AGMAT: variants seen among roughly 807,000 people sequenced by gnomAD.
The protein encoded by AGMAT is guanidino acid hydrolase, mitochondrial.
Under a neutral mutation model 29.3 loss-of-function variants are expected in AGMAT, and 37 were observed. The observed-to-expected ratio is 1.26, with a 90% CI of 0.97 to 1.66. The LOEUF is 1.66. Ranked by LOEUF, AGMAT falls within the 40% of genes most tolerant of loss-of-function variation. AGMAT has a pLI of 0.00. For synonymous variants in AGMAT, 199 were observed against 200.8 expected (o/e 0.99, Z 0.08); for missense variants, 498 against 497.8 (o/e 1.00, Z 0.00).
At chr1:15,581,621 TC>T (rs1197272964) in intron 2 of AGMAT, among the ~76,000 whole-genome samples, 4 of 113,704 alleles carry the variant, frequency 3.5e-5, no homozygotes, top group African/African-American at 1.2e-4. Context: ...ACGCCTGTAA[TC>T]CCAGCATTTT....
At chr1:15,579,953 G>T in intron 3 of AGMAT, 141 bp downstream of exon 3, 1 of 781,866 alleles carries the variant, frequency 1.3e-6, no homozygotes, top group Non-Finnish European at 2.2e-6. Context: ...GACACCTGGA[G>T]CTCAACCTTA....
chr1:15,582,482 C>A (rs1639129268), intron 2 of AGMAT, among the ~76,000 whole-genome samples: 1 of 152,132 alleles, frequency 6.6e-6, no homozygotes, highest in Non-Finnish European at 1.5e-5. Flanking sequence ...GGAAACCACA[C>A]TCCTCCCACT....
In AGMAT at chr1:15,572,692, AC is replaced by A. The variant is rs1638974250; in HGVS notation, c.*958del. The stretch of plus-strand genomic sequence containing the variant: ...TTCTAGTTTAGAAGACATTTTGTGT[AC>A]CCTTCTAGGCCTCTGAGCAAGAAGT... On this transcript the variant is annotated 3_prime_UTR_variant, in exon 7 of 7. Coordinates refer to ENST00000375826, the MANE Select transcript of AGMAT (RefSeq NM_024758.5). 6.6e-6 allele frequency: 1 copy of A among 151,824 alleles called. No homozygotes were observed. The highest frequency in any genetic ancestry group is 6.6e-5 in the Admixed American group (1 of 15,224). 9.4% of individuals were successfully genotyped at this position (151,824 alleles called of 1,614,324 possible). A position where few individuals can be genotyped will look rare whatever the true frequency, so the allele number is the denominator to read the frequency against.
At position 15,583,377 on chromosome 1, in the gene AGMAT, G is replaced by A. The variant is rs750542692; in HGVS notation, c.291C>T (p.Ile97=). The A allele has an allele frequency of 1.9e-6, 3 of 1,613,770 alleles. No individual in the cohort carries two copies. Among genetic ancestry groups the A allele is most frequent in the South Asian group, 1.1e-5 (1 of 91,004 alleles). ...TCCCAAGCATCACTGATTCTTCCCGGATGCGGCGAGGTCCGAATCTGCAGA... is the reference window on the plus strand; with the variant it reads ...TCCCAAGCATCACTGATTCTTCCCGAATGCGGCGAGGTCCGAATCTGCAGA... The part of the protein sequence containing the change: ...RPGARFGPRR[I]REESVMLGTV... The change falls in exon 2 of 7, where the codon ATC becomes ATT. Residue 97 remains isoleucine (I), a synonymous_variant. Transcript: ENST00000375826.
intron 2 of AGMAT, among the ~76,000 whole-genome samples, chr1:15,582,719 C>T (rs191875025): frequency 3.9e-5 from 6 of 152,226 alleles, no homozygotes; most frequent in Non-Finnish European, 8.8e-5. Context: ...TCATCTTGGC[C>T]AGGCGCGGTG....
At chr1:15,578,620 G>A (rs919537123) in intron 4 of AGMAT, among the ~76,000 whole-genome samples, 14 of 151,970 alleles carry the variant, frequency 9.2e-5, no homozygotes, top group African/African-American at 2.2e-4. Flanking sequence ...AGCCAGCACC[G>A]TCCGAGGGGT....
At chr1:15,584,521 T>A (rs1475364445) in intron 1 of AGMAT, among the ~76,000 whole-genome samples, 175 bp downstream of exon 1, 1 of 151,964 alleles carries the variant, frequency 6.6e-6, no homozygotes, top group Non-Finnish European at 1.5e-5. Flanking sequence ...GGGGTTTGCT[T>A]ATTGAGGGTC....
chr1:15,582,239 C>G (rs1639125400), intron 2 of AGMAT, among the ~76,000 whole-genome samples: 1 of 151,274 alleles, frequency 6.6e-6, no homozygotes, highest in South Asian at 2.1e-4. Flanking sequence ...GCACTCCAGC[C>G]TGGGCAACAA....
chr1:15,578,804 C>G, intron 4 of AGMAT, 55 bp downstream of exon 4: 1 of 1,582,114 alleles, frequency 6.3e-7, no homozygotes. Context: ...ACTGGTGAGG[C>G]AACGGAGAGG....
rs534386631 is a variant in AGMAT at position 15,582,198 on chromosome 1, G to A, written c.475+995C>T. Among the ~76,000 whole-genome samples the A allele has an allele frequency of 5.1e-3, 772 of 152,020 alleles. 5 individuals are homozygous for A. Among genetic ancestry groups the A allele is most frequent in the African/African-American group, 0.017 (695 of 41,442 alleles). On this transcript the variant is annotated intron_variant, in intron 2 of 6. Coordinates refer to ENST00000375826, the MANE Select transcript of AGMAT (RefSeq NM_024758.5). ...ACAGAATTGCTTGAACCCGGGAGGCGGAGGTTGCAGTGAGCCGAGATCGTG... is the reference window on the plus strand; with the variant it reads ...ACAGAATTGCTTGAACCCGGGAGGCAGAGGTTGCAGTGAGCCGAGATCGTG...
At chr1:15,582,808 G>A (rs893917314) in intron 2 of AGMAT, among the ~76,000 whole-genome samples, 1 of 152,162 alleles carries the variant, frequency 6.6e-6, no homozygotes, top group Non-Finnish European at 1.5e-5. Flanking sequence ...GACCAGCCTG[G>A]CCAACATGGC....
At chr1:15,575,108 G>A (rs1165061735) in intron 5 of AGMAT, 1 of 333,618 alleles carries the variant, frequency 3.0e-6, no homozygotes, top group Non-Finnish European at 5.7e-6. Flanking sequence ...TTCAAGGAAA[G>A]CAAGCCCAGA....
At chr1:15,582,858 C>T (rs1296394839) in intron 2 of AGMAT, among the ~76,000 whole-genome samples, 1 of 152,132 alleles carries the variant, frequency 6.6e-6, no homozygotes, top group Non-Finnish European at 1.5e-5. Context: ...ATTAGCCAGG[C>T]ATGGTGGTGG....
At chr1:15,578,190 A>T (rs1302312533) in intron 4 of AGMAT, among the ~76,000 whole-genome samples, 1 of 152,146 alleles carries the variant, frequency 6.6e-6, no homozygotes, top group Non-Finnish European at 1.5e-5. Flanking sequence ...GGTCTGTTCC[A>T]TTGGGGTCTT....
At chr1:15,582,289 G>T (rs1015009170) in intron 2 of AGMAT, among the ~76,000 whole-genome samples, 2 of 151,518 alleles carry the variant, frequency 1.3e-5, no homozygotes, top group African/African-American at 4.8e-5. Flanking sequence ...AAAAAAAAAA[G>T]ATATGCCATG....
At position 15,578,919 on chromosome 1, in the gene AGMAT, C is replaced by T. The variant is rs1173114654; in HGVS notation, c.660G>A (p.Val220=). ...DEGLLDCKRV[V]QIGIRGSSTT... ...TGGAAGAGCCCCGGATGCCAATCTG[C>T]ACCACACGCTTACAGTCCAGGAGAC... The change falls in exon 4 of 7, where the codon GTG becomes GTA. Residue 220 remains valine (V), a synonymous_variant. Transcript: ENST00000375826. 6 of 1,614,026 alleles carry T rather than the reference C, an allele frequency of 3.7e-6. No homozygotes were observed. Among genetic ancestry groups the T allele is most frequent in the African/African-American group, 2.7e-5 (2 of 74,910 alleles).
Position 15,583,182 on chromosome 1 carries a change from A to G in AGMAT, c.475+11T>C, listed in dbSNP as rs970867335. ...CAGGGAACTACTCTGGCTCTTGCAG[A>G]CTGACATTACCCAAGGTCAGAGGAA... On this transcript the variant is annotated intron_variant, in intron 2 of 6. Transcript: ENST00000375826. 3 of 1,613,586 alleles carry G rather than the reference A, an allele frequency of 1.9e-6. No homozygotes were observed. The highest frequency in any genetic ancestry group is 3.3e-5 in the Admixed American group (2 of 60,016).
At chr1:15,582,470 C>T (rs148988917) in intron 2 of AGMAT, among the ~76,000 whole-genome samples, 3 of 152,216 alleles carry the variant, frequency 2.0e-5, no homozygotes, top group East Asian at 3.9e-4. Context: ...ACCATGCCAT[C>T]GGGAAACCAC....
At chr1:15,580,280 A>C (rs575773980) in intron 2 of AGMAT, 138 bp from the exon 3 acceptor site, 1 of 683,878 alleles carries the variant, frequency 1.5e-6, no homozygotes, top group Admixed American at 2.9e-5. Context: ...ATCTCGGCTC[A>C]CTGCAACCTC....
Sources: allele counts gnomAD v4.1 joint callset (sites outside exome capture counted in the v4.1 genomes callset), GRCh38; gene constraint gnomAD v4.1.1; transcripts MANE v1.5; gene names NCBI Gene and HGNC (gene_info 2026-07-23, HGNC 2026-07-21).